Variants in AMZ1 observed in about 807,000 individuals in gnomAD.
The protein encoded by AMZ1 is archaelysin family metallopeptidase 1.
AMZ1 carries 39 observed loss-of-function variants against 29.9 expected under a neutral mutation model. The ratio of observed to expected loss-of-function variants is 1.30; its 90% CI spans 1.01 to 1.70. The LOEUF (loss-of-function observed/expected upper bound fraction) is 1.70, where lower values mean the gene tolerates loss of function less well. Among genes scored for constraint, AMZ1 ranks in the 40% most tolerant of loss-of-function variants. The pLI is 0.00. For synonymous variants in AMZ1, 458 were observed against 304.0 expected (o/e 1.51, Z -5.27); for missense variants, 1,041 against 680.6 (o/e 1.53, Z -5.89).
At chr7:2,694,225 C>T (rs114196906) in intron 1 of AMZ1, among the ~76,000 whole-genome samples, 3,361 of 152,286 alleles carry the variant, frequency 0.022, 122 homozygotes, top group African/African-American at 0.074. Context: ...ATAGAACAGA[C>T]GGCAGAGGGA....
intron 4 of AMZ1, among the ~76,000 whole-genome samples, chr7:2,725,958 C>T (rs1008655994): frequency 2.6e-5 from 4 of 152,208 alleles, no homozygotes; most frequent in Non-Finnish European, 4.4e-5. Context: ...TGGACCAGCT[C>T]CCCTGAACGC....
At chr7:2,725,002 C>G (rs1168491216) in intron 4 of AMZ1, among the ~76,000 whole-genome samples, 1 of 152,210 alleles carries the variant, frequency 6.6e-6, no homozygotes, top group African/African-American at 2.4e-5. Context: ...GTTCTACCCA[C>G]TTCCTACCCC....
chr7:2,705,482 T>G (rs957928236), intron 3 of AMZ1, among the ~76,000 whole-genome samples: 2 of 152,214 alleles, frequency 1.3e-5, no homozygotes, highest in Non-Finnish European at 2.9e-5. Flanking sequence ...CATAATCATA[T>G]AGAGGGCGGC....
intron 4 of AMZ1, among the ~76,000 whole-genome samples, chr7:2,746,759 G>C (rs1199981709): frequency 6.6e-6 from 1 of 152,116 alleles, no homozygotes; most frequent in Non-Finnish European, 1.5e-5. Flanking sequence ...CAACAAAACT[G>C]ATAGACCGCT....
chr7:2,725,059 G>A (rs1044915540), intron 4 of AMZ1, among the ~76,000 whole-genome samples: 1 of 152,230 alleles, frequency 6.6e-6, no homozygotes, highest in Non-Finnish European at 1.5e-5. Flanking sequence ...CCAGGACGGG[G>A]TATCTGGAAC....
chr7:2,687,623 T>A (rs909156761), upstream of AMZ1, among the ~76,000 whole-genome samples: 1 of 152,234 alleles, frequency 6.6e-6, no homozygotes, highest in African/African-American at 2.4e-5. Flanking sequence ...CACTCACAGC[T>A]GGCCAGGGTA....
At chr7:2,712,127 G>C (rs531610633) in intron 6 of AMZ1, among the ~76,000 whole-genome samples, 1 of 152,170 alleles carries the variant, frequency 6.6e-6, no homozygotes, top group Admixed American at 6.5e-5. Context: ...GCTCTTGGGG[G>C]TGGGTACCTC....
At chr7:2,688,003 C>G (rs1401424576), upstream of AMZ1, among the ~76,000 whole-genome samples, 1 of 147,524 alleles carries the variant, frequency 6.8e-6, no homozygotes, top group African/African-American at 2.5e-5. Context: ...GCTTTAGGCT[C>G]TGGGGCCCCC....
At chr7:2,738,405 G>A (rs931769771) in intron 4 of AMZ1, among the ~76,000 whole-genome samples, 1 of 152,194 alleles carries the variant, frequency 6.6e-6, no homozygotes, top group African/African-American at 2.4e-5. Context: ...TGATCTCCAC[G>A]CAGTCAGGGG....
At chr7:2,722,978 TTAAAATAAAATAAAG>T (rs1213122734), downstream of AMZ1, among the ~76,000 whole-genome samples, 1 of 151,534 alleles carries the variant, frequency 6.6e-6, no homozygotes, top group East Asian at 1.9e-4. Context: ...GACCCTATAT[TTAAAATAAAATAAAG>T]TAAAATAAAA....
chr7:2,704,722 G>A (rs1378255308), intron 3 of AMZ1, among the ~76,000 whole-genome samples: 2 of 149,338 alleles, frequency 1.3e-5, no homozygotes, highest in African/African-American at 5.0e-5. Flanking sequence ...TCAGCCTCCC[G>A]AGTAGCTGGG....
intron 4 of AMZ1, among the ~76,000 whole-genome samples, chr7:2,725,961 C>G (rs1315559317): frequency 1.3e-5 from 2 of 152,242 alleles, no homozygotes; most frequent in Admixed American, 6.5e-5. Context: ...ACCAGCTCCC[C>G]TGAACGCCAA....
rs1787969232 is a variant in AMZ1, at chr7:2,700,245, C to G, written c.-207C>G. On this transcript the variant is annotated 5_prime_UTR_variant, in exon 2 of 7. Transcript: ENST00000683327. ...CGTGTCATCCACAGGGTGCTGTGGG[C>G]CCAGAAGCGCCCATGCCTGAGAGCG... The G allele has an allele frequency of 1.6e-6, 1 of 611,844 alleles. No individual in the cohort carries two copies. Among genetic ancestry groups the G allele is most frequent in the African/African-American group, 1.8e-5 (1 of 54,216 alleles). The allele number at this position is 611,844 out of a possible 1,614,324, so 37.9% of individuals were successfully genotyped here. A position where few individuals can be genotyped will look rare whatever the true frequency, so the allele number is the denominator to read the frequency against.
At position 2,712,393 on chromosome 7, in the gene AMZ1, T is replaced by TCCTCCCA; in HGVS notation, c.1013_1014insCTCCCAC (p.Val339SerfsTer19). 1 of 1,610,430 alleles carries TCCTCCCA rather than the reference T, an allele frequency of 6.2e-7. No individual in the cohort carries two copies. The highest frequency in any genetic ancestry group is 8.5e-7 in the Non-Finnish European group (1 of 1,178,840). On this transcript the variant is annotated frameshift_variant, in exon 7 of 7. Coordinates refer to ENST00000683327, the MANE Select transcript of AMZ1 (RefSeq NM_001384743.1). LOFTEE classifies it low-confidence loss of function (END_TRUNC). Reference sequence around the variant, plus strand: ...GCCCAGCCAGGAGGCGGGGGAGCCGTCAGTGTGGGAGGACACCCCGCCTGC... The same window carrying TCCTCCCA: ...GCCCAGCCAGGAGGCGGGGGAGCCGTCCTCCCACAGTGTGGGAGGACACCCCGCCTGC...
intron 4 of AMZ1, among the ~76,000 whole-genome samples, chr7:2,743,915 C>A (rs1186099869): frequency 6.6e-6 from 1 of 151,998 alleles, no homozygotes; most frequent in Non-Finnish European, 1.5e-5. Flanking sequence ...AGGAGTCTTG[C>A]TCATTGCTAG....
chr7:2,741,063 A>C (rs558493481), intron 4 of AMZ1, among the ~76,000 whole-genome samples: 1 of 151,734 alleles, frequency 6.6e-6, no homozygotes, highest in African/African-American at 2.4e-5. Context: ...CAAACAAACA[A>C]ACAAACAAAT....
chr7:2,710,309 G>C (rs889769750), intron 6 of AMZ1, among the ~76,000 whole-genome samples: 2 of 152,190 alleles, frequency 1.3e-5, no homozygotes, highest in African/African-American at 4.8e-5. Flanking sequence ...CAAAGGGCTC[G>C]TCCGTATTCA....
chr7:2,697,487 G>A (rs923290404), intron 1 of AMZ1, among the ~76,000 whole-genome samples: 2 of 151,920 alleles, frequency 1.3e-5, no homozygotes, highest in African/African-American at 2.4e-5. Context: ...GCAGTGGCAC[G>A]ATCATGGCTC....
At chr7:2,707,943 A>G (rs1788462862) in intron 3 of AMZ1, among the ~76,000 whole-genome samples, 1 of 145,442 alleles carries the variant, frequency 6.9e-6, no homozygotes, top group Non-Finnish European at 1.5e-5. Context: ...CCCGTCTCAG[A>G]CTCCTGAGTA....
Sources: allele counts gnomAD v4.1 joint callset (sites outside exome capture counted in the v4.1 genomes callset), GRCh38; gene constraint gnomAD v4.1.1; transcripts MANE v1.5; gene names NCBI Gene and HGNC (gene_info 2026-07-23, HGNC 2026-07-21).